The following MEIS3 variants were observed in gnomAD, a reference collection of about 807,000 sequenced individuals.
MEIS3 encodes the protein homeobox protein Meis3.
MEIS3 carries 38 observed loss-of-function variants against 51.4 expected under a neutral mutation model. The observed-to-expected ratio is 0.74, with a 90% confidence interval of 0.57 to 0.97. The LOEUF is 0.97. MEIS3 is among the 50% of genes least tolerant of loss of function. The probability of loss-of-function intolerance (pLI) is 0.00; values close to 1 mark genes in which losing one functional copy is unlikely to be tolerated. For synonymous variants in MEIS3, 198 were observed against 201.8 expected (o/e 0.98, Z 0.16); for missense variants, 456 against 502.6 (o/e 0.91, Z 0.89).
At chr19:47,408,048 G>A (rs565168554) in intron 8 of MEIS3, among the ~76,000 whole-genome samples, 5 of 152,032 alleles carry the variant, frequency 3.3e-5, no homozygotes, top group Non-Finnish European at 5.9e-5. Context: ...CTCGTGATCC[G>A]CCCGCCTCGG....
At chr19:47,406,392 C>G in intron 12 of MEIS3, 68 bp downstream of exon 12, 1 of 1,406,282 alleles carries the variant, frequency 7.1e-7, no homozygotes, top group Non-Finnish European at 1.0e-6. Context: ...GAAGTGCCCA[C>G]TCTTGGAGTC....
intron 1 of MEIS3, 71 bp from the exon 2 acceptor site, chr19:47,417,421 C>T (rs765264570): frequency 3.2e-6 from 5 of 1,559,644 alleles, no homozygotes; most frequent in Non-Finnish European, 4.4e-6. Flanking sequence ...GGCTGAGGAG[C>T]TTCTCTATCC....
upstream of MEIS3, among the ~76,000 whole-genome samples, chr19:47,421,319 C>T (rs1433357875): frequency 6.6e-6 from 1 of 152,130 alleles, no homozygotes; most frequent in Non-Finnish European, 1.5e-5. Context: ...ACGGGCTGGG[C>T]GATCTCTCAG....
At chr19:47,408,685 G>A (rs886468613) in intron 8 of MEIS3, among the ~76,000 whole-genome samples, 5 of 151,938 alleles carry the variant, frequency 3.3e-5, no homozygotes, top group Admixed American at 6.6e-5. Context: ...AGTATGGTGC[G>A]GTGGTTAAGG....
At chr19:47,421,901 TC>T (rs952177289), upstream of MEIS3, among the ~76,000 whole-genome samples, 2 of 151,158 alleles carry the variant, frequency 1.3e-5, no homozygotes, top group Non-Finnish European at 3.0e-5. Flanking sequence ...CGCCTCCCTG[TC>T]CCCCCCACCG....
At chr19:47,414,657 T>A (rs1197180390) in intron 6 of MEIS3, 60 bp downstream of exon 6, 9 of 1,533,450 alleles carry the variant, frequency 5.9e-6, no homozygotes, top group Non-Finnish European at 7.9e-6. Context: ...TGCGCCCTCA[T>A]GCGGTGTCCA....
At chr19:47,408,996 C>T (rs1970983077) in intron 8 of MEIS3, 103 bp downstream of exon 8, 28 of 1,386,538 alleles carry the variant, frequency 2.0e-5, no homozygotes, top group East Asian at 2.3e-5. Flanking sequence ...AATTTCCTGC[C>T]GTCTTTCTCC....
chr19:47,420,825 T>C (rs1051877485), upstream of MEIS3, among the ~76,000 whole-genome samples: 1 of 151,590 alleles, frequency 6.6e-6, no homozygotes, highest in Non-Finnish European at 1.5e-5. Context: ...GCTCCGGCTT[T>C]CTGAGGCTCT....
chr19:47,421,033 G>A (rs1012213833), upstream of MEIS3, among the ~76,000 whole-genome samples: 15 of 151,346 alleles, frequency 9.9e-5, no homozygotes, highest in African/African-American at 3.4e-4. Flanking sequence ...GGAGGGAGCA[G>A]GTGGCGGCCA....
intron 12 of MEIS3, 34 bp from the exon 13 acceptor site, chr19:47,403,587 C>A: frequency 2.5e-6 from 1 of 404,140 alleles, no homozygotes; most frequent in Non-Finnish European, 4.9e-6. Flanking sequence ...AAGTCAGGAG[C>A]GGGCAGGGGG....
chr19:47,406,638 T>G, intron 11 of MEIS3, 112 bp from the exon 12 acceptor site: 1 of 1,115,590 alleles, frequency 9.0e-7, no homozygotes, highest in Non-Finnish European at 1.3e-6. Flanking sequence ...CAGGATAGAC[T>G]GAGTCATAAG....
In MEIS3 at chr19:47,407,144, G is replaced by A; in HGVS notation, c.936-7C>T. 1 of 1,608,156 alleles carries A rather than the reference G, an allele frequency of 6.2e-7. No homozygotes were observed. The highest frequency in any genetic ancestry group is 8.5e-7 in the Non-Finnish European group (1 of 1,177,834). ...TCTCCGGGCGTTAATGAACCTGGGA[G>A]GCGGTCATGGAAACGGAGGGGAATG... On this transcript the variant is annotated splice_polypyrimidine_tract_variant and splice_region_variant and intron_variant, in intron 9 of 12. Transcript: ENST00000558555.
intron 8 of MEIS3, among the ~76,000 whole-genome samples, chr19:47,408,245 G>A (rs185818754): frequency 2.1e-3 from 326 of 152,126 alleles, no homozygotes; most frequent in Non-Finnish European, 3.2e-3. Context: ...TCCGGCCTCA[G>A]CCTCCTGAGT....
At chr19:47,409,021 T>C in intron 8 of MEIS3, 78 bp downstream of exon 8, 1 of 1,522,780 alleles carries the variant, frequency 6.6e-7, no homozygotes, top group African/African-American at 1.4e-5. Context: ...TCTGGGTTTC[T>C]CTGGGGTTTC....
chr19:47,421,935 C>T (rs1206668408), upstream of MEIS3, among the ~76,000 whole-genome samples: 1 of 151,734 alleles, frequency 6.6e-6, no homozygotes, highest in Non-Finnish European at 1.5e-5. Flanking sequence ...GCTTCTGTCT[C>T]CCTGGCTCTC....
At position 47,419,438 on chromosome 19, in the gene MEIS3, C is replaced by T. The variant is rs1432616531; in HGVS notation, c.-357G>A. The T allele has an allele frequency of 8.8e-5, 2 of 22,692 alleles. No homozygotes were observed. The highest frequency in any genetic ancestry group is 1.4e-3 in the East Asian group (1 of 736). The allele number at this position is 22,692 out of a possible 1,614,324, so 1.4% of individuals were successfully genotyped here. The stretch of plus-strand genomic sequence containing the variant: ...CGTCCCGAGACGGACACACCGGGGA[C>T]CGCAGGGGGCGGGGGGCGGCCCGGG... On this transcript the variant is annotated 5_prime_UTR_variant, in exon 1 of 13. Transcript: ENST00000558555.
chr19:47,414,285 C>T (rs34743993), intron 6 of MEIS3, among the ~76,000 whole-genome samples: 3,142 of 152,096 alleles, frequency 0.021, 46 homozygotes, highest in Non-Finnish European at 0.033. Flanking sequence ...GTGGCTGGAG[C>T]GGGTGTGTGT....
chr19:47,411,527 TTATC>T (rs1343502403), intron 6 of MEIS3, among the ~76,000 whole-genome samples: 6 of 149,144 alleles, frequency 4.0e-5, no homozygotes, highest in Non-Finnish European at 8.9e-5. Context: ...TGGGGCTGTA[TTATC>T]TTTTTCTTTT....
intron 6 of MEIS3, among the ~76,000 whole-genome samples, chr19:47,410,594 G>A (rs1412609998): frequency 4.6e-5 from 7 of 150,888 alleles, no homozygotes; most frequent in East Asian, 3.9e-4. Context: ...GTGAAACCCC[G>A]TCTCTACTAA....
Sources: gnomAD v4.1 joint callset for allele counts (sites outside exome capture counted in the v4.1 genomes callset) on GRCh38, gnomAD v4.1.1 for gene constraint, MANE v1.5 for transcripts, NCBI Gene and HGNC (gene_info 2026-07-23, HGNC 2026-07-21) for gene names.